The following AFF3 variants were observed in gnomAD, a reference collection of about 807,000 sequenced individuals.
AFF3 encodes ALF transcription elongation factor 3.
A neutral mutation model predicts 129.7 loss-of-function variants in AFF3; 32 were observed. That is an observed-to-expected ratio of 0.25 (90% CI 0.19 to 0.33). AFF3 has a LOEUF of 0.33. Among genes scored for constraint, AFF3 ranks in the 10% least tolerant of loss-of-function variants. The pLI is 1.00. For missense variants in AFF3, 1,373 were observed against 1,592.0 expected (o/e 0.86, Z 2.34); for synonymous variants, 644 against 635.4 (o/e 1.01, Z -0.20).
intron 11 of AFF3, among the ~76,000 whole-genome samples, chr2:99,691,735 T>C (rs1265498044): frequency 1.3e-5 from 2 of 152,194 alleles, no homozygotes; most frequent in East Asian, 1.9e-4. Flanking sequence ...CTGATGTCTC[T>C]TGAGTCAACT....
chr2:100,037,688 T>A (rs1227767856), intron 4 of AFF3, among the ~76,000 whole-genome samples: 1 of 121,944 alleles, frequency 8.2e-6, no homozygotes, highest in East Asian at 2.1e-4. Flanking sequence ...AAATATATAT[T>A]TATATTTTAT....
At chr2:99,920,937 A>C (rs566532738) in intron 7 of AFF3, among the ~76,000 whole-genome samples, 7 of 152,244 alleles carry the variant, frequency 4.6e-5, no homozygotes, top group African/African-American at 1.7e-4. Flanking sequence ...TTTAACAAAA[A>C]ACAAGCCAGC....
intron 7 of AFF3, among the ~76,000 whole-genome samples, chr2:99,841,171 G>A (rs1689290553): frequency 6.6e-6 from 1 of 152,114 alleles, no homozygotes; most frequent in Admixed American, 6.5e-5. Context: ...AATTTCCTTT[G>A]ATGTAGTTTA....
intron 9 of AFF3, among the ~76,000 whole-genome samples, chr2:99,745,228 T>C (rs1258978186): frequency 6.6e-6 from 1 of 152,160 alleles, no homozygotes; most frequent in Non-Finnish European, 1.5e-5. Context: ...GTTTGTCTTT[T>C]TGTTGTTGAG....
At chr2:100,128,551 A>G (rs1032311381) in intron 2 of AFF3, among the ~76,000 whole-genome samples, 1 of 152,192 alleles carries the variant, frequency 6.6e-6, no homozygotes, top group African/African-American at 2.4e-5. Context: ...AACTCATGCC[A>G]CTGGAGATTA....
At chr2:99,680,283 A>C (rs924776703) in intron 11 of AFF3, among the ~76,000 whole-genome samples, 7 of 152,240 alleles carry the variant, frequency 4.6e-5, no homozygotes, top group Admixed American at 2.6e-4. Flanking sequence ...TTTCTCCCTG[A>C]AGATGGGTTT....
At chr2:100,114,142 A>G (rs936881442) in intron 2 of AFF3, among the ~76,000 whole-genome samples, 5 of 152,140 alleles carry the variant, frequency 3.3e-5, no homozygotes, top group Non-Finnish European at 5.9e-5. Flanking sequence ...AAGCCAGAGA[A>G]AGTATTTCAC....
intron 7 of AFF3, among the ~76,000 whole-genome samples, chr2:99,923,477 A>G (rs963173947): frequency 6.6e-6 from 1 of 152,222 alleles, no homozygotes; most frequent in African/African-American, 2.4e-5. Flanking sequence ...AAGTACTCTC[A>G]AGAGCCACAA....
In AFF3 at chr2:99,593,312, G is replaced by C; in HGVS notation, c.2349C>G (p.Pro783=). The C allele has an allele frequency of 6.2e-7, 1 of 1,614,060 alleles. No homozygotes were observed. Among genetic ancestry groups the C allele is most frequent in the Non-Finnish European group, 8.5e-7 (1 of 1,179,996 alleles). Residue 783 remains proline, a synonymous_variant, in exon 15 of 25, where the codon CCC becomes CCG. Coordinates refer to ENST00000672756, the MANE Select transcript of AFF3 (RefSeq NM_001386135.1). The stretch of plus-strand genomic sequence containing the variant: ...GGGCGCTCAATACCCCTGGCTCCTG[G>C]GGCAGGTGTTCTGGGATCCTGGACA... ...TLLSRIPEHL[P]QEPGVLSAPA...
intron 4 of AFF3, among the ~76,000 whole-genome samples, chr2:100,061,865 G>GGC (rs965318501): frequency 6.7e-6 from 1 of 150,314 alleles, no homozygotes; most frequent in African/African-American, 2.4e-5. Flanking sequence ...GGAGGGGGGG[G>GGC]GGGTGCCGAC....
chr2:99,685,638 A>G (rs1674981977), intron 11 of AFF3, among the ~76,000 whole-genome samples: 1 of 152,192 alleles, frequency 6.6e-6, no homozygotes, highest in Admixed American at 6.5e-5. Flanking sequence ...TTTTAAACAT[A>G]TTCATCTATT....
At chr2:99,677,364 C>T (rs913853453) in intron 11 of AFF3, among the ~76,000 whole-genome samples, 10 of 152,016 alleles carry the variant, frequency 6.6e-5, no homozygotes, top group Non-Finnish European at 1.2e-4. Flanking sequence ...GTCAGGGATA[C>T]TCCACGTTAG....
chr2:99,646,981 A>AT (rs1473476963), intron 13 of AFF3, among the ~76,000 whole-genome samples: 1 of 152,222 alleles, frequency 6.6e-6, no homozygotes, highest in African/African-American at 2.4e-5. Context: ...AATGGCTGTT[A>AT]TTGAAAAGTC....
At chr2:99,605,779 C>G (rs142139358) in intron 13 of AFF3, among the ~76,000 whole-genome samples, 60 of 152,270 alleles carry the variant, frequency 3.9e-4, no homozygotes, top group African/African-American at 1.4e-3. Flanking sequence ...AACTCCTGGG[C>G]TCAAGCAATC....
chr2:99,625,082 C>T (rs1011924555), intron 13 of AFF3, among the ~76,000 whole-genome samples: 1 of 152,212 alleles, frequency 6.6e-6, no homozygotes, highest in African/African-American at 2.4e-5. Context: ...GATTCATTTT[C>T]AAGGAAGCTT....
At chr2:99,674,719 G>A (rs1687457814) in intron 11 of AFF3, among the ~76,000 whole-genome samples, 1 of 152,118 alleles carries the variant, frequency 6.6e-6, no homozygotes. Context: ...ATGTTTAAAT[G>A]GACAATACTG....
rs149895083 is a variant in AFF3 at position 99,819,570 on chromosome 2, T to G, written c.921+17907A>C. Among the ~76,000 whole-genome samples, 3 of 152,386 alleles carry G rather than the reference T, an allele frequency of 2.0e-5. No individual in the cohort carries two copies. The East Asian group carries it at 5.8e-4, about 29-fold the overall frequency. ...ACCACATTTGATGAATGAAAACATT[T>G]TATTAGATATGTTGATTCACTAAGA... is the stretch of plus-strand genomic sequence containing the variant. On this transcript the variant is annotated intron_variant, in intron 8 of 24. Coordinates refer to ENST00000672756, the MANE Select transcript of AFF3 (RefSeq NM_001386135.1).
intron 8 of AFF3, among the ~76,000 whole-genome samples, chr2:99,824,096 A>G (rs1366488927): frequency 1.3e-5 from 2 of 152,140 alleles, no homozygotes. Context: ...TAAGATTAAA[A>G]TTATTAAAAA....
chr2:99,562,712 A>G (rs1350673442), intron 20 of AFF3, among the ~76,000 whole-genome samples: 1 of 152,070 alleles, frequency 6.6e-6, no homozygotes, highest in Non-Finnish European at 1.5e-5. Context: ...GTGAGTTCCT[A>G]TGGTATCCTG....
Sources: allele counts gnomAD v4.1 joint callset (sites outside exome capture counted in the v4.1 genomes callset), GRCh38; gene constraint gnomAD v4.1.1; transcripts MANE v1.5; gene names NCBI Gene and HGNC (gene_info 2026-07-23, HGNC 2026-07-21).